Variants in PC observed in about 807,000 individuals in gnomAD.
The protein encoded by PC is pyruvate carboxylase, mitochondrial.
PC carries 46 observed loss-of-function variants against 107.8 expected under a neutral mutation model. The ratio of observed to expected loss-of-function variants is 0.43; its 90% CI spans 0.34 to 0.55. The LOEUF (loss-of-function observed/expected upper bound fraction) is 0.55. Ranked by LOEUF, PC falls within the 20% of genes least tolerant of loss-of-function variation. The pLI is 0.04. For synonymous variants in PC, 662 were observed against 684.7 expected, an observed-to-expected ratio of 0.97 and a Z score of 0.52; for missense variants, 1,241 against 1,643.1, an observed-to-expected ratio of 0.76 and a Z score of 4.23.
chr11:66,852,906 G>A lies in PC; in HGVS notation c.1514-70C>T. ...CTGAGTCGAGGGCAGCAGTGAGAGT[G>A]GCTGGGCTCAGGGACAGGGACACAT... is the stretch of plus-strand genomic sequence containing the variant. On this transcript the variant is annotated intron_variant, in intron 13 of 22. Coordinates refer to ENST00000393960, the MANE Select transcript of PC (RefSeq NM_001040716.2). This position sits in a 1 kb window ranked among gnomAD's most constrained non-coding sequence, Gnocchi z 4.7. The A allele has an allele frequency of 8.4e-7, 1 of 1,195,870 alleles. No individual in the cohort carries two copies. The highest frequency in any genetic ancestry group is 1.4e-5 in the South Asian group (1 of 69,898). The allele number at this position is 1,195,870 out of a possible 1,614,324, so 74.1% of individuals were successfully genotyped here.
intron 16 of PC, 82 bp downstream of exon 16, chr11:66,851,708 G>T: frequency 1.4e-6 from 2 of 1,411,266 alleles, no homozygotes; most frequent in African/African-American, 1.4e-5. Flanking sequence ...GGCTGACCGT[G>T]GAGAACAGAG....
chr11:66,932,289 T>G (rs983580356), intron 3 of PC, among the ~76,000 whole-genome samples: 6 of 152,118 alleles, frequency 3.9e-5, no homozygotes, highest in African/African-American at 1.4e-4. Flanking sequence ...TAGAAGACTA[T>G]TAGGTTCAAC....
intron 12 of PC, chr11:66,860,378 G>T (rs748607301): frequency 4.5e-6 from 4 of 894,542 alleles, no homozygotes; most frequent in Admixed American, 2.0e-5. Flanking sequence ...GTAAGGGCAG[G>T]CCCCTCCAAC....
At chr11:66,957,236 A>G (rs967790634) in intron 1 of PC, among the ~76,000 whole-genome samples, 1 of 152,242 alleles carries the variant, frequency 6.6e-6, no homozygotes, top group Non-Finnish European at 1.5e-5. Flanking sequence ...TGTCATCAGC[A>G]AGTGTTGGTA....
rs1469371497 is a variant in PC, at chr11:66,848,457, G to C, written c.*442C>G. ...CACAACTGACCTGCCCACCCATGGGGAGCTTGAAAGGCAGCCCCCCACTGC... is the reference window on the plus strand; with the variant it reads ...CACAACTGACCTGCCCACCCATGGGCAGCTTGAAAGGCAGCCCCCCACTGC... On this transcript the variant is annotated 3_prime_UTR_variant, in exon 23 of 23. Coordinates refer to ENST00000393960, the MANE Select transcript of PC (RefSeq NM_001040716.2). 6 of 538,260 alleles carry C rather than the reference G, an allele frequency of 1.1e-5. No homozygotes were observed. Among genetic ancestry groups the C allele is most frequent in the Non-Finnish European group, 2.0e-5 (6 of 307,222 alleles). The allele number at this position is 538,260 out of a possible 1,614,324, so 33.3% of individuals were successfully genotyped here.
At chr11:66,916,386 T>C (rs938258862) in intron 3 of PC, among the ~76,000 whole-genome samples, 2 of 152,096 alleles carry the variant, frequency 1.3e-5, no homozygotes, top group African/African-American at 4.8e-5. Flanking sequence ...GTGACCGACC[T>C]GCCAAGCAGT....
At chr11:66,917,089 T>G (rs1313227216) in intron 3 of PC, among the ~76,000 whole-genome samples, 1 of 151,922 alleles carries the variant, frequency 6.6e-6, no homozygotes, top group Non-Finnish European at 1.5e-5. Flanking sequence ...TTTGTTCCTT[T>G]GAGACAGAGT....
At chr11:66,921,372 A>T (rs771699966) in intron 3 of PC, among the ~76,000 whole-genome samples, 2 of 152,240 alleles carry the variant, frequency 1.3e-5, no homozygotes, top group Non-Finnish European at 2.9e-5. Flanking sequence ...TTTGTAAAAC[A>T]GATGAAAACC....
chr11:66,868,899 G>A lies in PC; in HGVS notation c.969C>T (p.Ile323=), dbSNP rs752996978. 1.7e-5 allele frequency: 27 copies of A among 1,613,770 alleles called. No homozygotes were observed. In the Middle Eastern group the frequency reaches 4.9e-4, roughly 29 times the overall value. The change falls in exon 10 of 23, where the codon ATC becomes ATT. Residue 323 remains isoleucine, a synonymous_variant. Transcript: ENST00000393960. ...CCACCTGCAGGCGGGAGTTGACCTC[G>A]ATGAAGTAGTGCTTGCCGTGCCTGT... ...LVDRHGKHYF[I]EVNSRLQVEH...
At chr11:66,873,496 TTA>T (rs1202650143) in intron 3 of PC, among the ~76,000 whole-genome samples, 5 of 14,706 alleles carry the variant, frequency 3.4e-4, no homozygotes, top group African/African-American at 1.3e-3. Flanking sequence ...ATTATATATA[TTA>T]TATAATATTA....
At chr11:66,860,258 G>A (rs868476961) in intron 12 of PC, 54 of 1,534,704 alleles carry the variant, frequency 3.5e-5, no homozygotes, top group Admixed American at 7.8e-5. Flanking sequence ...GCCCGGGGCC[G>A]CCGCCTGGCC....
At chr11:66,957,523 GGA>G (rs1949594222) in intron 1 of PC, among the ~76,000 whole-genome samples, 1 of 152,228 alleles carries the variant, frequency 6.6e-6, no homozygotes, top group African/African-American at 2.4e-5. Context: ...GACTGTGGCA[GGA>G]GGGTCGCTTG....
At chr11:66,944,691 C>T (rs1949244202) in intron 3 of PC, among the ~76,000 whole-genome samples, 1 of 117,764 alleles carries the variant, frequency 8.5e-6, no homozygotes, top group Non-Finnish European at 1.9e-5. Flanking sequence ...TATTTTGCCA[C>T]AATTTTTTAA....
intron 12 of PC, chr11:66,856,745 G>C (rs1945860542): frequency 6.6e-6 from 1 of 152,300 alleles, no homozygotes; most frequent in Admixed American, 6.6e-5. Context: ...GAAGGGGCCC[G>C]CGAGCAGGCG....
chr11:66,890,501 CTTTT>C (rs542659083), intron 3 of PC, among the ~76,000 whole-genome samples: 2 of 128,900 alleles, frequency 1.6e-5, no homozygotes, highest in African/African-American at 2.8e-5. Flanking sequence ...GCAGTTTCAT[CTTTT>C]TTTTTTTTTT....
In PC at chr11:66,849,874, A is replaced by T. The variant is rs746373435; in HGVS notation, c.2899-15T>A. The T allele has an allele frequency of 1.2e-6, 2 of 1,613,674 alleles. No individual in the cohort carries two copies. The highest frequency in any genetic ancestry group is 1.7e-6 in the Non-Finnish European group (2 of 1,180,008). On this transcript the variant is annotated splice_polypyrimidine_tract_variant and intron_variant, in intron 20 of 22. Transcript: ENST00000393960. ...TCCTTCAGTACCTGGGGAGCAAAGCAGAGGATCAGTCCCAAGTCCTGCATC... is the reference window on the plus strand; with the variant it reads ...TCCTTCAGTACCTGGGGAGCAAAGCTGAGGATCAGTCCCAAGTCCTGCATC...
At chr11:66,903,826 A>ATT (rs1168472165) in intron 3 of PC, among the ~76,000 whole-genome samples, 2 of 131,990 alleles carry the variant, frequency 1.5e-5, no homozygotes, top group Non-Finnish European at 3.2e-5. Context: ...ACATATATAC[A>ATT]TTTTTTTTTT....
intron 12 of PC, chr11:66,859,116 C>G: frequency 6.8e-7 from 1 of 1,478,564 alleles, no homozygotes; most frequent in Non-Finnish European, 9.0e-7. Context: ...GCCCCACACC[C>G]GGCTGCACTC....
rs551132006 is a variant in PC, at chr11:66,945,002, A to G, written c.-1+7428T>C. On this transcript the variant is annotated intron_variant, in intron 3 of 22. Coordinates refer to ENST00000393960, the MANE Select transcript of PC (RefSeq NM_001040716.2). ...AATTTGATGGCAATGGGCTCTCCAA[A>G]GATTGGTAGCTCTCCACCGGGAGGT... 4.2e-5 allele frequency among the ~76,000 whole-genome samples: 5 copies of G among 117,978 alleles called. 2 individuals are homozygous for G. The highest frequency in any genetic ancestry group is 1.5e-4 in the African/African-American group (5 of 32,964). 77.4% of individuals were successfully genotyped at this position (117,978 alleles called of 152,430 possible). A position where few individuals can be genotyped will look rare whatever the true frequency, so the allele number is the denominator to read the frequency against.
Sources: allele counts gnomAD v4.1 joint callset (sites outside exome capture counted in the v4.1 genomes callset), GRCh38; gene constraint gnomAD v4.1.1; non-coding constraint Gnocchi (gnomAD v3.1); transcripts MANE v1.5; gene names NCBI Gene and HGNC (gene_info 2026-07-23, HGNC 2026-07-21).